The following DDHD2 variants were observed in gnomAD, a reference collection of about 807,000 sequenced individuals.
DDHD2 encodes DDHD domain containing 2.
DDHD2 carries 62 observed loss-of-function variants against 91.2 expected under a neutral mutation model. The observed-to-expected ratio is 0.68, with a 90% CI of 0.55 to 0.84. DDHD2 has a LOEUF of 0.84. Ranked by LOEUF, DDHD2 falls within the 40% of genes least tolerant of loss-of-function variation. DDHD2 has a pLI of 0.00. For synonymous variants in DDHD2, 271 were observed against 293.9 expected (o/e 0.92, Z 0.80); for missense variants, 740 against 846.9 (o/e 0.87, Z 1.57).
rs1808049875 is a variant in DDHD2 at position 38,268,370 on chromosome 8, C to G, written n.88-2752C>G. Reference sequence around the variant, plus strand: ...ACCGGCCCGAAAGGGCTAGCGCTCACCCAGGCAGGCTTGTCTGCTGTCTCT... The same window carrying G: ...ACCGGCCCGAAAGGGCTAGCGCTCAGCCAGGCAGGCTTGTCTGCTGTCTCT... On this transcript the variant is annotated intron_variant and non_coding_transcript_variant, in intron 1 of 1. Transcript: ENST00000526071. 2.6e-6 allele frequency: 4 copies of G among 1,564,802 alleles called. No individual in the cohort carries two copies. Among genetic ancestry groups the G allele is most frequent in the African/African-American group, 2.7e-5 (2 of 73,706 alleles).
chr8:38,234,726 C>G (rs1804568397), intron 3 of DDHD2, 142 bp downstream of exon 3: 3 of 627,132 alleles, frequency 4.8e-6, no homozygotes, highest in African/African-American at 3.9e-5. Flanking sequence ...TAAAGCATTT[C>G]TATTTACAAG....
downstream of DDHD2, chr8:38,267,091 T>C (rs1163103441): frequency 1.6e-5 from 24 of 1,460,908 alleles, no homozygotes; most frequent in African/African-American, 1.4e-5. Context: ...TGTTCTGTAA[T>C]ATTTACCCAA....
chr8:38,235,842 A>C (rs1457309394), intron 3 of DDHD2, among the ~76,000 whole-genome samples: 1 of 150,124 alleles, frequency 6.7e-6, no homozygotes, highest in Non-Finnish European at 1.5e-5. Context: ...CAACAAAGCA[A>C]GACCCCACCA....
chr8:38,268,842 G>T, intron 1 of DDHD2: 1 of 1,503,020 alleles, frequency 6.7e-7, no homozygotes, highest in Non-Finnish European at 8.9e-7. Flanking sequence ...CGGGAAGCCG[G>T]GTCATGGGGA....
chr8:38,241,664 C>G (rs1462790175), intron 6 of DDHD2, among the ~76,000 whole-genome samples: 1 of 151,910 alleles, frequency 6.6e-6, no homozygotes, highest in African/African-American at 2.4e-5. Flanking sequence ...TAAAATCCAC[C>G]TGCCTTGGCC....
At chr8:38,264,504 T>G, downstream of DDHD2, 1 of 1,556,686 alleles carries the variant, frequency 6.4e-7, no homozygotes, top group Non-Finnish European at 8.7e-7. Flanking sequence ...CAAGTTTGTC[T>G]TGAAATGGTT....
downstream of DDHD2, chr8:38,266,327 C>T: frequency 6.2e-7 from 1 of 1,605,086 alleles, no homozygotes. Flanking sequence ...ACAAGAAAAA[C>T]TTTTAAGTGG....
chr8:38,270,519 G>A (rs1426180531), intron 1 of DDHD2: 3 of 152,180 alleles, frequency 2.0e-5, no homozygotes, highest in Admixed American at 2.0e-4. Flanking sequence ...CTTAACATAG[G>A]GCATGTAACA....
chr8:38,254,662 G>T (rs374203916), intron 16 of DDHD2, among the ~76,000 whole-genome samples: 3 of 152,016 alleles, frequency 2.0e-5, no homozygotes, highest in East Asian at 3.9e-4. Context: ...GAGCCACCAC[G>T]CCTGGGCAGA....
chr8:38,258,322 G>A (rs893448105), intron 16 of DDHD2, among the ~76,000 whole-genome samples: 11 of 150,408 alleles, frequency 7.3e-5, no homozygotes, highest in African/African-American at 2.7e-4. Context: ...TGCAGTAGTT[G>A]GCTCACTGCA....
At chr8:38,264,097 T>C (rs1807242360), downstream of DDHD2, 1 of 994,428 alleles carries the variant, frequency 1.0e-6, no homozygotes, top group Non-Finnish European at 1.2e-6. Context: ...TCTTGTCTTG[T>C]GCATGGTCCG....
At position 38,253,084 on chromosome 8, in the gene DDHD2, A is replaced by T. The variant is rs774803395; in HGVS notation, c.1848A>T (p.Glu616Asp). 1.2e-6 allele frequency: 2 copies of T among 1,614,182 alleles called. No individual in the cohort carries two copies. Among genetic ancestry groups the T allele is most frequent in the East Asian group, 4.5e-5 (2 of 44,880 alleles). Reference protein sequence around the residue: ...YPALQASETPEETEAEPESTS... With the variant: ...YPALQASETPDETEAEPESTS... ...CCTTACAAGCTTCAGAAACACCAGA[A>T]GAAACTGAAGCAGAACCTGAATCAA... The change falls in exon 15 of 18, where the codon GAA (glutamate) becomes GAT (aspartate). Residue 616 changes from glutamate to aspartate, a missense_variant. By Grantham distance (45) the Glu-to-Asp change is conservative. This residue lies in a region of DDHD2 where 693 missense variants were observed against 764.2 expected (regional missense o/e 0.91). Coordinates refer to ENST00000397166, the MANE Select transcript of DDHD2 (RefSeq NM_015214.3).
At chr8:38,258,591 ACTT>A (rs1177462595) in intron 16 of DDHD2, among the ~76,000 whole-genome samples, 2 of 152,224 alleles carry the variant, frequency 1.3e-5, no homozygotes, top group East Asian at 3.9e-4. Context: ...CTATTTCTCA[ACTT>A]CTTACTTGTT....
In DDHD2 at chr8:38,252,011, G is replaced by T. The variant is rs1806149437; in HGVS notation, c.1444G>T (p.Asp482Tyr). 1 of 1,613,716 alleles carries T rather than the reference G, an allele frequency of 6.2e-7. No homozygotes were observed. Among genetic ancestry groups the T allele is most frequent in the Non-Finnish European group, 8.5e-7 (1 of 1,179,722 alleles). Residue 482 changes from aspartate (D) to tyrosine (Y), a missense_variant, in exon 12 of 18, where the codon GAT (aspartate) becomes TAT (tyrosine). Asp to Tyr is a radical substitution (Grantham distance 160). Coordinates refer to ENST00000397166, the MANE Select transcript of DDHD2 (RefSeq NM_015214.3). ...TAATACTAGAAATGGTGACTATCTG[G>T]ATGTTGGCATTGGGCAGGTAACTAA... ...SSNTRNGDYL[D>Y]VGIGQVSVKY...
downstream of DDHD2, chr8:38,267,137 AC>A: frequency 1.9e-6 from 3 of 1,553,342 alleles, no homozygotes; most frequent in Middle Eastern, 6.7e-4. Context: ...CTGTGGAGTT[AC>A]TAAAGAAGGG....
At chr8:38,250,982 G>A (rs1160476499) in intron 11 of DDHD2, 2 of 152,152 alleles carry the variant, frequency 1.3e-5, no homozygotes, top group Admixed American at 6.5e-5. Flanking sequence ...AGGTTTACCT[G>A]TGTTAACAGT....
chr8:38,268,500 A>G (rs1201174219), intron 1 of DDHD2: 1 of 1,548,824 alleles, frequency 6.5e-7, no homozygotes, highest in East Asian at 2.4e-5. Context: ...AATCCAAAAA[A>G]AAGCCACACT....
Position 38,253,145 on chromosome 8 carries a change from C to T in DDHD2, c.1891+18C>T, listed in dbSNP as rs754857888. The T allele has an allele frequency of 1.2e-5, 19 of 1,594,608 alleles. No homozygotes were observed. The South Asian group carries it at 1.3e-4, about 11-fold the overall frequency. On this transcript the variant is annotated intron_variant, in intron 15 of 17. Transcript: ENST00000397166. ...GCCTAGTGGTCAGTGACACTGTACA[C>T]ATTGACCAGCTGCCAGATAAGAGGG...
At chr8:38,238,361 T>C in intron 5 of DDHD2, 152 bp downstream of exon 5, 1 of 1,434,292 alleles carries the variant, frequency 7.0e-7, no homozygotes, top group Non-Finnish European at 9.1e-7. Flanking sequence ...CATCACTTCG[T>C]CTACTAAGAA....
Sources: gnomAD v4.1 joint callset for allele counts (sites outside exome capture counted in the v4.1 genomes callset) on GRCh38, gnomAD v4.1.1 for gene constraint, gnomAD v4.1.1 regional missense constraint, MANE v1.5 for transcripts, NCBI Gene and HGNC (gene_info 2026-07-23, HGNC 2026-07-21) for gene names.